Variants in SLC35F1 observed in about 807,000 individuals in gnomAD.
The protein encoded by SLC35F1 is solute carrier family 35 member F1, also known as chromosome 6 open reading frame 169.
SLC35F1 carries 14 observed loss-of-function variants against 48.7 expected under a neutral mutation model. The ratio of observed to expected loss-of-function variants is 0.29; its 90% CI spans 0.19 to 0.45. The LOEUF (loss-of-function observed/expected upper bound fraction) is 0.45. SLC35F1 is among the 20% of genes least tolerant of loss of function. The probability of loss-of-function intolerance (pLI) is 1.00; values close to 1 mark genes in which losing one functional copy is unlikely to be tolerated. For missense variants in SLC35F1, 404 were observed against 500.0 expected (o/e 0.81, Z 1.83); for synonymous variants, 190 against 202.2 (o/e 0.94, Z 0.51).
At chr6:118,285,380 A>G in intron 7 of SLC35F1, 42 bp downstream of exon 7, 1 of 1,608,556 alleles carries the variant, frequency 6.2e-7, no homozygotes, top group Non-Finnish European at 8.5e-7. Flanking sequence ...GATACTTTGT[A>G]GGAAACAATG....
chr6:118,185,247 G>T (rs1384891367), intron 2 of SLC35F1, among the ~76,000 whole-genome samples: 1 of 152,044 alleles, frequency 6.6e-6, no homozygotes, highest in African/African-American at 2.4e-5. Context: ...TTTTCCCTTG[G>T]TTATCCAGAA....
chr6:118,267,642 G>A (rs868523904), intron 4 of SLC35F1, among the ~76,000 whole-genome samples: 21 of 152,328 alleles, frequency 1.4e-4, no homozygotes, highest in Middle Eastern at 6.8e-3. Context: ...ATAGGCCCAC[G>A]AGTAAATAAA....
At chr6:118,128,492 T>C (rs1773662080) in intron 1 of SLC35F1, among the ~76,000 whole-genome samples, 2 of 152,022 alleles carry the variant, frequency 1.3e-5, no homozygotes, top group Admixed American at 6.5e-5. Context: ...TAAAAAATGA[T>C]GAGTTCATGT....
At chr6:118,013,063 C>T (rs1227143243) in intron 1 of SLC35F1, among the ~76,000 whole-genome samples, 18 of 152,148 alleles carry the variant, frequency 1.2e-4, no homozygotes, top group Admixed American at 9.2e-4. Flanking sequence ...TGGGAAAACA[C>T]GACAGCTATT....
At chr6:118,193,072 T>G (rs6938511) in intron 2 of SLC35F1, among the ~76,000 whole-genome samples, 2,498 of 152,292 alleles carry the variant, frequency 0.016, 84 homozygotes, top group African/African-American at 0.057. Flanking sequence ...CCCTTCTTTT[T>G]TCGGTAGTTT....
chr6:118,259,101 T>G (rs1775681315), intron 3 of SLC35F1, among the ~76,000 whole-genome samples: 1 of 151,610 alleles, frequency 6.6e-6, no homozygotes, highest in Non-Finnish European at 1.5e-5. Flanking sequence ...TAAAGATATT[T>G]TATATATCAG....
intron 1 of SLC35F1, among the ~76,000 whole-genome samples, chr6:118,046,581 A>G (rs1772305560): frequency 6.6e-6 from 1 of 152,264 alleles, no homozygotes; most frequent in African/African-American, 2.4e-5. Context: ...GTCTAGCTTC[A>G]GTTTCTTTAT....
intron 1 of SLC35F1, among the ~76,000 whole-genome samples, chr6:118,031,698 A>G (rs1337693868): frequency 6.6e-6 from 1 of 152,278 alleles, no homozygotes; most frequent in East Asian, 1.9e-4. Flanking sequence ...GCAACCCCAT[A>G]GGGAGTGTGC....
At chr6:118,072,646 T>C (rs955146833) in intron 1 of SLC35F1, among the ~76,000 whole-genome samples, 1 of 152,198 alleles carries the variant, frequency 6.6e-6, no homozygotes, top group African/African-American at 2.4e-5. Flanking sequence ...AGGATAATAT[T>C]TCATTTTTTG....
At chr6:118,033,291 A>G (rs1488480011) in intron 1 of SLC35F1, among the ~76,000 whole-genome samples, 1 of 152,086 alleles carries the variant, frequency 6.6e-6, no homozygotes, top group Non-Finnish European at 1.5e-5. Context: ...AATCTTTCTT[A>G]CATGCTCTGG....
chr6:118,004,327 A>T (rs1179995494), intron 1 of SLC35F1, among the ~76,000 whole-genome samples: 2 of 152,198 alleles, frequency 1.3e-5, no homozygotes, highest in Non-Finnish European at 2.9e-5. Flanking sequence ...GTTTGGGGTT[A>T]CATTTAATAT....
At chr6:118,102,606 G>A (rs530408738) in intron 1 of SLC35F1, among the ~76,000 whole-genome samples, 7 of 152,232 alleles carry the variant, frequency 4.6e-5, no homozygotes, top group Non-Finnish European at 8.8e-5. Context: ...GTTTCACGTT[G>A]TGGCACAGCA....
chr6:117,989,297 T>C (rs1389225001), intron 1 of SLC35F1, among the ~76,000 whole-genome samples: 1 of 152,230 alleles, frequency 6.6e-6, no homozygotes, highest in African/African-American at 2.4e-5. Context: ...CTCTGTCCCC[T>C]AATGGGAAAC....
chr6:118,130,164 A>G (rs899220990), intron 1 of SLC35F1, among the ~76,000 whole-genome samples: 2 of 152,204 alleles, frequency 1.3e-5, no homozygotes, highest in African/African-American at 4.8e-5. Context: ...CAACTGTAAC[A>G]TGGAAATTAG....
intron 1 of SLC35F1, among the ~76,000 whole-genome samples, chr6:117,979,265 C>T (rs761235787): frequency 5.3e-5 from 8 of 152,140 alleles, no homozygotes; most frequent in Non-Finnish European, 1.0e-4. Flanking sequence ...GGTGGTGGAA[C>T]AGGGCTCAGG....
At chr6:118,215,440 G>A (rs1775058713) in intron 2 of SLC35F1, among the ~76,000 whole-genome samples, 1 of 152,180 alleles carries the variant, frequency 6.6e-6, no homozygotes, top group Non-Finnish European at 1.5e-5. Context: ...GCATAGATAA[G>A]ACGGTCTTGT....
intron 1 of SLC35F1, among the ~76,000 whole-genome samples, chr6:117,932,132 C>A (rs1364265904): frequency 2.0e-5 from 3 of 152,078 alleles, no homozygotes; most frequent in East Asian, 3.9e-4. Context: ...TTTGCCCTCC[C>A]ACTGTGTGAG....
At chr6:118,268,316 A>G (rs1775803491) in intron 4 of SLC35F1, among the ~76,000 whole-genome samples, 2 of 152,102 alleles carry the variant, frequency 1.3e-5, no homozygotes, top group African/African-American at 2.4e-5. Context: ...AGAACAAAAG[A>G]GAGACAGCCT....
At chr6:118,108,461 T>C (rs1773354647) in intron 1 of SLC35F1, among the ~76,000 whole-genome samples, 1 of 152,176 alleles carries the variant, frequency 6.6e-6, no homozygotes, top group African/African-American at 2.4e-5. Context: ...TGTATATCCA[T>C]AGTTTCCTGG....
Sources: gnomAD v4.1 joint callset for allele counts (sites outside exome capture counted in the v4.1 genomes callset) on GRCh38, gnomAD v4.1.1 for gene constraint, MANE v1.5 for transcripts, NCBI Gene and HGNC (gene_info 2026-07-23, HGNC 2026-07-21) for gene names.